The following IFT25 variants were observed in gnomAD, a reference collection of about 807,000 sequenced individuals.
IFT25 encodes the protein intraflagellar transport 25, also known as intraflagellar transport protein 25 homolog.
chr1:53,920,729 G>T, the IFT25 span, among the ~76,000 whole-genome samples: 29,862 of 152,146 alleles, frequency 0.2, 4,043 homozygotes, highest in African/African-American at 0.39. Flanking sequence ...TGCTTCGGGA[G>T]GCTGAGGTGG....
At chr1:53,930,602 C>T in the IFT25 span, among the ~76,000 whole-genome samples, 1 of 152,006 alleles carries the variant, frequency 6.6e-6, no homozygotes, top group East Asian at 1.9e-4. Context: ...TAAGTTCATT[C>T]ACTTTCTGGT....
the IFT25 span, chr1:53,928,277 C>T: frequency 9.9e-7 from 1 of 1,009,788 alleles, no homozygotes; most frequent in East Asian, 2.5e-5. Context: ...TTAAAGTCAT[C>T]TTTTTTCACC....
the IFT25 span, among the ~76,000 whole-genome samples, chr1:53,937,029 T>G: frequency 1.3e-5 from 2 of 152,166 alleles, no homozygotes; most frequent in Admixed American, 6.5e-5. Flanking sequence ...CAATATTCCA[T>G]TATCCTGTAG....
At chr1:53,919,284 T>TA in the IFT25 span, among the ~76,000 whole-genome samples, 1 of 152,186 alleles carries the variant, frequency 6.6e-6, no homozygotes, top group Non-Finnish European at 1.5e-5. Flanking sequence ...GCACTGTATT[T>TA]AGAGATAGCA....
At chr1:53,912,367 CAG>C in the IFT25 span, among the ~76,000 whole-genome samples, 1 of 152,134 alleles carries the variant, frequency 6.6e-6, no homozygotes, top group Non-Finnish European at 1.5e-5. Context: ...TTTCTGGGTG[CAG>C]AGTTATGCAA....
the IFT25 span, among the ~76,000 whole-genome samples, chr1:53,924,612 G>A: frequency 1.6e-4 from 24 of 152,060 alleles, no homozygotes; most frequent in Non-Finnish European, 2.6e-4. Context: ...CGAGGTGGGC[G>A]GATCACGAGT....
At chr1:53,916,878 A>G in the IFT25 span, 1 of 393,892 alleles carries the variant, frequency 2.5e-6, no homozygotes, top group East Asian at 3.6e-5. Flanking sequence ...GCAGTGGCTC[A>G]CACCTGTAAT....
At chr1:53,924,525 G>T in the IFT25 span, among the ~76,000 whole-genome samples, 1 of 152,182 alleles carries the variant, frequency 6.6e-6, no homozygotes, top group Non-Finnish European at 1.5e-5. Flanking sequence ...AAACATGAAA[G>T]ATTTAATTGC....
chr1:53,924,394 A>G, the IFT25 span, among the ~76,000 whole-genome samples: 1 of 152,238 alleles, frequency 6.6e-6, no homozygotes, highest in East Asian at 1.9e-4. Context: ...ATGATGCATA[A>G]TTGTGTGGCC....
the IFT25 span, among the ~76,000 whole-genome samples, chr1:53,922,651 G>T: frequency 6.6e-6 from 1 of 152,154 alleles, no homozygotes; most frequent in African/African-American, 2.4e-5. Context: ...GCAGGAATAT[G>T]CATAGATGTC....
chr1:53,922,276 C>T, the IFT25 span, among the ~76,000 whole-genome samples: 2 of 152,076 alleles, frequency 1.3e-5, no homozygotes, highest in Admixed American at 6.6e-5. Flanking sequence ...CACCTGTAAT[C>T]CCAGCTACTT....
At chr1:53,927,965 T>A in the IFT25 span, among the ~76,000 whole-genome samples, 2,031 of 152,306 alleles carry the variant, frequency 0.013, 51 homozygotes, top group African/African-American at 0.046. Context: ...AATAGACATA[T>A]GAAGGCAAGA....
the IFT25 span, among the ~76,000 whole-genome samples, chr1:53,929,237 C>T: frequency 6.6e-6 from 1 of 152,192 alleles, no homozygotes; most frequent in South Asian, 2.1e-4. Flanking sequence ...AGTGTGACAT[C>T]TTTGACAGTT....
At chr1:53,933,256 TC>T in the IFT25 span, among the ~76,000 whole-genome samples, 1 of 150,268 alleles carries the variant, frequency 6.7e-6, no homozygotes, top group Non-Finnish European at 1.5e-5. Context: ...TGCCTCAGCC[TC>T]CCGAGTAACT....
the IFT25 span, chr1:53,916,548 A>T: frequency 1.2e-5 from 2 of 173,874 alleles, no homozygotes; most frequent in Admixed American, 1.3e-4. Context: ...TGCCATTTCA[A>T]TTTAGAAACT....
At chr1:53,932,787 C>A in the IFT25 span, among the ~76,000 whole-genome samples, 2,269 of 152,220 alleles carry the variant, frequency 0.015, 70 homozygotes, top group African/African-American at 0.051. Flanking sequence ...GCTGGTCTCA[C>A]ACTCCTGAGC....
chr1:53,941,732 T>C, the IFT25 span, among the ~76,000 whole-genome samples: 11 of 152,346 alleles, frequency 7.2e-5, no homozygotes, highest in South Asian at 2.3e-3. Flanking sequence ...ATTATTAAAA[T>C]GGTAACCTTG....
At chr1:53,942,358 A>C in the IFT25 span, among the ~76,000 whole-genome samples, 2 of 152,236 alleles carry the variant, frequency 1.3e-5, no homozygotes, top group African/African-American at 4.8e-5. Flanking sequence ...ACATTTTAAA[A>C]TATTTTTAAA....
chr1:53,923,751 T>A, the IFT25 span: 1 of 598,376 alleles, frequency 1.7e-6, no homozygotes, highest in Non-Finnish European at 2.9e-6. Context: ...ATTTAGCTTA[T>A]ATTATTATTG....
Sources: gnomAD v4.1 joint callset for allele counts (sites outside exome capture counted in the v4.1 genomes callset) on GRCh38, gnomAD v4.1.1 for gene constraint, MANE v1.5 for transcripts, NCBI Gene and HGNC (gene_info 2026-07-23, HGNC 2026-07-21) for gene names.